Variants in REPS2 observed in about 807,000 individuals in gnomAD.
REPS2 encodes the protein ralBP1-associated Eps domain-containing protein 2.
In REPS2, 23 loss-of-function variants were observed where a neutral mutation model predicts 53.6. The observed-to-expected ratio is 0.43, with a 90% CI of 0.31 to 0.61. REPS2 has a LOEUF of 0.61. REPS2 is among the 20% of genes least tolerant of loss of function. REPS2 has a pLI of 0.11. For missense variants in REPS2, 446 were observed against 534.9 expected, an observed-to-expected ratio of 0.83 and a Z score of 1.64; for synonymous variants, 238 against 218.6, an observed-to-expected ratio of 1.09 and a Z score of -0.78.
chrX:16,967,304 T>C (rs1345591314), intron 1 of REPS2, among the ~76,000 whole-genome samples: 1 of 110,197 alleles, frequency 9.1e-6, no homozygotes, highest in Admixed American at 9.9e-5. Context: ...ACCATATAGC[T>C]CCCAGACCCT....
At chrX:16,958,599 T>C (rs2060624897) in intron 1 of REPS2, among the ~76,000 whole-genome samples, 1 of 111,719 alleles carries the variant, frequency 9.0e-6, no homozygotes, top group African/African-American at 3.3e-5. Flanking sequence ...ACAGGAACAA[T>C]AGTCATGAAA....
At chrX:16,993,752 G>C (rs1461507931) in intron 1 of REPS2, among the ~76,000 whole-genome samples, 2 of 112,414 alleles carry the variant, frequency 1.8e-5, no homozygotes, top group African/African-American at 3.2e-5. Flanking sequence ...GTGTTATACA[G>C]TAGTAGATAA....
the REPS2 span, among the ~76,000 whole-genome samples, chrX:17,182,857 T>C: frequency 9.0e-6 from 1 of 111,311 alleles, no homozygotes; most frequent in Non-Finnish European, 1.9e-5. Context: ...GAGGTACTAT[T>C]ATTACCTCAT....
intron 4 of REPS2, among the ~76,000 whole-genome samples, chrX:17,028,177 G>GGAAGTA (rs911864307): frequency 3.6e-5 from 4 of 111,638 alleles, no homozygotes; most frequent in African/African-American, 1.3e-4. Context: ...TGTCTCCCCT[G>GGAAGTA]GAAGTAGAAG....
At chrX:17,135,234 A>T in intron 15 of REPS2, 27 bp from the exon 16 acceptor site, 1 of 1,193,011 alleles carries the variant, frequency 8.4e-7, no homozygotes, top group Non-Finnish European at 1.1e-6. Context: ...TTAACTTTTT[A>T]ATTTTTATTT....
intron 14 of REPS2, among the ~76,000 whole-genome samples, chrX:17,131,071 A>C (rs1039202317): frequency 8.9e-6 from 1 of 111,938 alleles, no homozygotes; most frequent in Non-Finnish European, 1.9e-5. Flanking sequence ...GAGTGCTTGC[A>C]TAGTGGATTT....
At chrX:17,173,615 A>C in the REPS2 span, among the ~76,000 whole-genome samples, 2 of 112,430 alleles carry the variant, frequency 1.8e-5, no homozygotes, top group Non-Finnish European at 3.8e-5. Context: ...CAGGGTGTGA[A>C]CATGAAGCTA....
At chrX:17,054,661 A>C in intron 7 of REPS2, 147 bp from the exon 8 acceptor site, 1 of 512,969 alleles carries the variant, frequency 1.9e-6, no homozygotes, top group Non-Finnish European at 3.1e-6. Context: ...AGTGGCCCCC[A>C]GAGATTTCAA....
At chrX:17,044,766 T>C (rs1487885643) in intron 5 of REPS2, among the ~76,000 whole-genome samples, 1 of 111,719 alleles carries the variant, frequency 9.0e-6, no homozygotes, top group Non-Finnish European at 1.9e-5. Context: ...CAATTCAAGC[T>C]GACATTCTCC....
At chrX:17,195,244 G>T in the REPS2 span, among the ~76,000 whole-genome samples, 1 of 112,349 alleles carries the variant, frequency 8.9e-6, no homozygotes, top group Non-Finnish European at 1.9e-5. Context: ...CAAAGCTGTT[G>T]TTGACTTAAT....
chrX:17,021,535 A>G (rs779901583), intron 2 of REPS2, among the ~76,000 whole-genome samples: 15 of 112,809 alleles, frequency 1.3e-4, no homozygotes, highest in Non-Finnish European at 5.6e-5. Context: ...TAAGTTTGCC[A>G]TAGGAACAAG....
chrX:17,046,158 TA>T (rs1687450888), intron 5 of REPS2, among the ~76,000 whole-genome samples: 1 of 107,119 alleles, frequency 9.3e-6, no homozygotes, highest in Non-Finnish European at 1.9e-5. Flanking sequence ...TATTTTTATT[TA>T]TTTTTTTTTT....
the REPS2 span, among the ~76,000 whole-genome samples, chrX:17,193,133 C>T: frequency 8.9e-6 from 1 of 112,238 alleles, no homozygotes; most frequent in Non-Finnish European, 1.9e-5. Flanking sequence ...AGAGGTATTA[C>T]AGGAGATGCA....
At chrX:17,092,102 T>G (rs2062623710) in intron 13 of REPS2, among the ~76,000 whole-genome samples, 1 of 111,844 alleles carries the variant, frequency 8.9e-6, no homozygotes, top group Non-Finnish European at 1.9e-5. Context: ...ATTCCAAGTT[T>G]TGTTCCCCCT....
At chrX:17,026,174 C>T (rs1157923384) in intron 4 of REPS2, among the ~76,000 whole-genome samples, 1 of 111,620 alleles carries the variant, frequency 9.0e-6, no homozygotes, top group Non-Finnish European at 1.9e-5. Flanking sequence ...TTTGGGCAGG[C>T]CATTGAACAT....
At position 17,152,466 on chromosome X, in the gene REPS2, A is replaced by G. The variant is rs1190163416; in HGVS notation, c.*4985A>G. ...TCTGGTCTTGCTGTAAGCTAATGTC[A>G]TGGCTGTGGGATATTAGAGAAGTGG... is the stretch of plus-strand genomic sequence containing the variant. On this transcript the variant is annotated 3_prime_UTR_variant, in exon 18 of 18. Transcript: ENST00000357277. 4 of 112,053 alleles carry G rather than the reference A, an allele frequency of 3.6e-5. No individual in the cohort carries two copies. The highest frequency in any genetic ancestry group is 7.5e-5 in the Non-Finnish European group (4 of 53,191). 9.2% of individuals were successfully genotyped at this position (112,053 alleles called of 1,213,427 possible).
the REPS2 span, among the ~76,000 whole-genome samples, chrX:17,195,483 G>T: frequency 1.8e-5 from 2 of 111,942 alleles, no homozygotes; most frequent in African/African-American, 6.5e-5. Flanking sequence ...AAATCATTTT[G>T]GCCCTGTTCA....
At chrX:17,179,227 C>T in the REPS2 span, among the ~76,000 whole-genome samples, 1 of 112,050 alleles carries the variant, frequency 8.9e-6, no homozygotes, top group African/African-American at 3.3e-5. Flanking sequence ...TAATGCCCCT[C>T]CCTTTGGAGC....
At chrX:17,193,270 G>A in the REPS2 span, among the ~76,000 whole-genome samples, 4 of 112,237 alleles carry the variant, frequency 3.6e-5, no homozygotes, top group African/African-American at 9.7e-5. Flanking sequence ...TATTGTCAAT[G>A]TTCTTAGTTT....
Sources: gnomAD v4.1 joint callset for allele counts (sites outside exome capture counted in the v4.1 genomes callset) on GRCh38, gnomAD v4.1.1 for gene constraint, MANE v1.5 for transcripts, NCBI Gene and HGNC (gene_info 2026-07-23, HGNC 2026-07-21) for gene names.